INO80D: variants seen among roughly 807,000 people sequenced by gnomAD.
INO80D encodes the protein INO80 complex subunit D.
A neutral mutation model predicts 87.6 loss-of-function variants in INO80D; 21 were observed. The ratio of observed to expected loss-of-function variants is 0.24; its 90% CI spans 0.17 to 0.35. The LOEUF (loss-of-function observed/expected upper bound fraction) is 0.35, where lower values mean the gene tolerates loss of function less well. Among genes scored for constraint, INO80D ranks in the 10% least tolerant of loss-of-function variants. The pLI is 1.00. For missense variants in INO80D, 982 were observed against 1,280.7 expected (o/e 0.77, Z 3.56); for synonymous variants, 440 against 491.0 (o/e 0.90, Z 1.37).
At chr2:206,070,956 C>T (rs1201100202) in intron 1 of INO80D, among the ~76,000 whole-genome samples, 2 of 123,684 alleles carry the variant, frequency 1.6e-5, no homozygotes, top group African/African-American at 3.2e-5. Flanking sequence ...AGAAACTGTT[C>T]TAAAATTTTA....
intron 1 of INO80D, among the ~76,000 whole-genome samples, chr2:206,070,981 C>G (rs560493093): frequency 5.7e-4 from 72 of 126,446 alleles, no homozygotes; most frequent in African/African-American, 2.2e-3. Context: ...CTTTTCTTTT[C>G]TTTTTCACTC....
intron 4 of INO80D, among the ~76,000 whole-genome samples, chr2:206,054,399 G>A (rs1689460341): frequency 1.3e-5 from 2 of 151,998 alleles, no homozygotes; most frequent in African/African-American, 4.8e-5. Flanking sequence ...TTCTTTGCAG[G>A]TTTTTAATGC....
intron 5 of INO80D, among the ~76,000 whole-genome samples, chr2:206,045,716 A>T (rs1022936407): frequency 2.1e-5 from 3 of 144,022 alleles, no homozygotes; most frequent in African/African-American, 5.0e-5. Flanking sequence ...GATCTAGCCT[A>T]AAAAAAAAAA....
At chr2:206,078,338 A>T (rs1350500768) in intron 1 of INO80D, among the ~76,000 whole-genome samples, 2 of 151,948 alleles carry the variant, frequency 1.3e-5, no homozygotes, top group Non-Finnish European at 2.9e-5. Flanking sequence ...AATCGCTTGA[A>T]CCGGGGTGGT....
intron 1 of INO80D, among the ~76,000 whole-genome samples, chr2:206,072,271 G>T (rs920109707): frequency 1.3e-5 from 2 of 151,144 alleles, no homozygotes; most frequent in Non-Finnish European, 2.9e-5. Context: ...GGTTTTTTGG[G>T]AGGGTTTTGT....
chr2:206,010,425 A>G (rs1688141184), intron 8 of INO80D, among the ~76,000 whole-genome samples: 1 of 152,184 alleles, frequency 6.6e-6, no homozygotes, highest in Non-Finnish European at 1.5e-5. Flanking sequence ...ATCTATGTCT[A>G]AATAAGTCTT....
chr2:206,040,988 C>CTGT (rs1491284955), intron 5 of INO80D: 1 of 153,884 alleles, frequency 6.5e-6, no homozygotes, highest in African/African-American at 2.4e-5. Flanking sequence ...TGAAAGGACA[C>CTGT]TGTTATACGT....
At chr2:206,020,430 A>T (rs1302055375) in intron 6 of INO80D, among the ~76,000 whole-genome samples, 1 of 152,118 alleles carries the variant, frequency 6.6e-6, no homozygotes, top group Non-Finnish European at 1.5e-5. Context: ...TTAGGAATTG[A>T]TTGCCTCATG....
chr2:206,070,449 G>A (rs566396782), intron 1 of INO80D, among the ~76,000 whole-genome samples: 82 of 149,950 alleles, frequency 5.5e-4, no homozygotes, highest in African/African-American at 1.9e-3. Context: ...AGCCAGGCGC[G>A]GTGGCTCATG....
chr2:206,044,069 T>A (rs1689130293), intron 5 of INO80D, among the ~76,000 whole-genome samples: 1 of 152,080 alleles, frequency 6.6e-6, no homozygotes, highest in Admixed American at 6.6e-5. Flanking sequence ...GGTGCACACC[T>A]GTAGTTCCAG....
rs2105920569 is a variant in INO80D at position 206,085,964 on chromosome 2, T to G, written c.-187A>C. ...CCTCGGCTGGGCTGACAGATCAGAG[T>G]GAGAGGCGCTGGCAATGGACTAGGA... On this transcript the variant is annotated 5_prime_UTR_variant, in exon 1 of 11. Coordinates refer to ENST00000403263, the MANE Select transcript of INO80D (RefSeq NM_017759.5). The surrounding 1 kb of genome is among the most constrained non-coding windows in gnomAD (Gnocchi z 4.5). 1 of 151,576 alleles carries G rather than the reference T, an allele frequency of 6.6e-6. No individual in the cohort carries two copies. Among genetic ancestry groups the G allele is most frequent in the South Asian group, 2.1e-4 (1 of 4,792 alleles). The allele number at this position is 151,576 out of a possible 1,614,324, so 9.4% of individuals were successfully genotyped here.
At chr2:206,065,586 A>AG (rs1689793134) in intron 1 of INO80D, among the ~76,000 whole-genome samples, 1 of 152,228 alleles carries the variant, frequency 6.6e-6, no homozygotes, top group Non-Finnish European at 1.5e-5. Flanking sequence ...AACAACCAAC[A>AG]GCACAAAAAG....
intron 7 of INO80D, 52 bp from the exon 8 acceptor site, chr2:206,017,865 T>A: frequency 1.3e-6 from 2 of 1,530,122 alleles, no homozygotes; most frequent in Non-Finnish European, 1.8e-6. Context: ...AATTTTTCAA[T>A]TTCTATATAA....
intron 1 of INO80D, chr2:206,084,829 G>C (rs951402338): frequency 1.3e-5 from 2 of 152,212 alleles, no homozygotes; most frequent in Non-Finnish European, 1.5e-5. Flanking sequence ...TTGTCCGGCA[G>C]AAACACCACC....
chr2:206,050,662 AC>A (rs1437111534), intron 4 of INO80D, among the ~76,000 whole-genome samples: 10 of 151,404 alleles, frequency 6.6e-5, no homozygotes, highest in Non-Finnish European at 1.2e-4. Context: ...TTAGAGGCAA[AC>A]ATTTTTTAAA....
intron 1 of INO80D, among the ~76,000 whole-genome samples, chr2:206,074,094 A>C (rs968877389): frequency 6.6e-6 from 1 of 152,204 alleles, no homozygotes; most frequent in Non-Finnish European, 1.5e-5. Context: ...CAGTTCTAGC[A>C]AATACCATCT....
intron 5 of INO80D, among the ~76,000 whole-genome samples, chr2:206,041,950 C>A (rs997246717): frequency 1.3e-5 from 2 of 151,912 alleles, no homozygotes; most frequent in African/African-American, 4.8e-5. Flanking sequence ...GAGTTTGGGA[C>A]CCCATCTTTA....
At chr2:206,068,967 C>G (rs1166602893) in intron 1 of INO80D, among the ~76,000 whole-genome samples, 2 of 152,176 alleles carry the variant, frequency 1.3e-5, no homozygotes, top group Non-Finnish European at 2.9e-5. Flanking sequence ...TCCCAAAGTG[C>G]TGGGATTACA....
intron 1 of INO80D, among the ~76,000 whole-genome samples, chr2:206,066,013 A>C (rs1285042210): frequency 6.6e-6 from 1 of 152,208 alleles, no homozygotes; most frequent in Non-Finnish European, 1.5e-5. Context: ...TAATCCCAGC[A>C]CTTTGGGAGG....
Sources: gnomAD v4.1 joint callset for allele counts (sites outside exome capture counted in the v4.1 genomes callset) on GRCh38, gnomAD v4.1.1 for gene constraint, Gnocchi (gnomAD v3.1) non-coding constraint, MANE v1.5 for transcripts, NCBI Gene and HGNC (gene_info 2026-07-23, HGNC 2026-07-21) for gene names.